Variants in P3H2 observed in about 807,000 individuals in gnomAD.
The protein encoded by P3H2 is leprecan-like 1.
In P3H2, 80 loss-of-function variants were observed where a neutral mutation model predicts 87.0. That is an observed-to-expected ratio of 0.92 (90% CI 0.77 to 1.11). The LOEUF (loss-of-function observed/expected upper bound fraction) is 1.11. Ranked by LOEUF, P3H2 falls within the 50% of genes least tolerant of loss-of-function variation. The probability of loss-of-function intolerance (pLI) is 0.00; values close to 1 mark genes in which losing one functional copy is unlikely to be tolerated. For missense variants in P3H2, 1,001 were observed against 923.9 expected (o/e 1.08, Z -1.08); for synonymous variants, 367 against 359.3 (o/e 1.02, Z -0.24).
At chr3:190,068,064 TTA>T (rs1726571572) in intron 1 of P3H2, among the ~76,000 whole-genome samples, 1 of 152,058 alleles carries the variant, frequency 6.6e-6, no homozygotes, top group Non-Finnish European at 1.5e-5. Flanking sequence ...CTTAAAATGT[TTA>T]TATAATTTTT....
chr3:190,034,902 G>A (rs142357098), intron 1 of P3H2, among the ~76,000 whole-genome samples: 9 of 146,856 alleles, frequency 6.1e-5, no homozygotes, highest in East Asian at 6.0e-4. Flanking sequence ...AGGCAGGAGT[G>A]CAGTGGTGTG....
intron 1 of P3H2, among the ~76,000 whole-genome samples, chr3:190,039,519 T>C (rs1252705108): frequency 1.3e-5 from 2 of 149,136 alleles, no homozygotes; most frequent in Non-Finnish European, 2.9e-5. Flanking sequence ...ATATTGTTAA[T>C]TGCAAAACCG....
chr3:190,007,550 C>G (rs1347286733), intron 1 of P3H2, among the ~76,000 whole-genome samples: 2 of 151,964 alleles, frequency 1.3e-5, no homozygotes, highest in Non-Finnish European at 2.9e-5. Flanking sequence ...TTGAGACATA[C>G]TTGAGGTCTT....
At chr3:190,101,421 C>T (rs1711623201) in intron 1 of P3H2, among the ~76,000 whole-genome samples, 1 of 124,674 alleles carries the variant, frequency 8.0e-6, no homozygotes, top group Admixed American at 8.2e-5. Flanking sequence ...AAAAGTGCTA[C>T]TACAGTGAAC....
At chr3:190,120,924 T>TA, upstream of P3H2, 1 of 804,180 alleles carries the variant, frequency 1.2e-6, no homozygotes, top group Non-Finnish European at 1.8e-6. Flanking sequence ...CAGCCGCTCT[T>TA]AAAGGGACGC....
chr3:189,976,056 T>C (rs1454875723), intron 8 of P3H2, among the ~76,000 whole-genome samples: 1 of 148,856 alleles, frequency 6.7e-6, no homozygotes, highest in Non-Finnish European at 1.5e-5. Flanking sequence ...AATCAACAAA[T>C]GGAATGGTTA....
Position 189,964,012 on chromosome 3 carries a change from T to C in P3H2, c.1980A>G (p.Gly660=). The change falls in exon 14 of 15, where the codon GGA becomes GGG. Residue 660 remains glycine, a synonymous_variant. Coordinates refer to ENST00000319332, the MANE Select transcript of P3H2 (RefSeq NM_018192.4). ...NPHGVKAVTK[G]KRCAVALWFT... ...ACCACAGAGCCACAGCACACCTCTT[T>C]CCCTTGGTGACTGCCTTCACCCCAT... 6.2e-7 allele frequency: 1 copy of C among 1,614,154 alleles called. No homozygotes were observed. Among genetic ancestry groups the C allele is most frequent in the Non-Finnish European group, 8.5e-7 (1 of 1,180,008 alleles).
rs761435073 is a variant in P3H2, at chr3:189,957,274, G to C, written c.*638C>G. 4.8e-5 allele frequency: 19 copies of C among 399,648 alleles called. No individual in the cohort carries two copies. Among genetic ancestry groups the C allele is most frequent in the African/African-American group, 3.3e-4 (16 of 48,580 alleles). The allele number at this position is 399,648 out of a possible 1,614,324, so 24.8% of individuals were successfully genotyped here. A position where few individuals can be genotyped will look rare whatever the true frequency, so the allele number is the denominator to read the frequency against. On this transcript the variant is annotated 3_prime_UTR_variant, in exon 15 of 15. Transcript: ENST00000319332. ...AAGTGGAGCTCACTTTGGAGAGTCG[G>C]AGCTCATGGCCGTTAGCACCTAAGG...
chr3:189,976,096 C>T (rs1317591102), intron 8 of P3H2, among the ~76,000 whole-genome samples: 1 of 150,908 alleles, frequency 6.6e-6, no homozygotes, highest in Non-Finnish European at 1.5e-5. Context: ...AAAAAGCTAC[C>T]TTCCACATGA....
chr3:190,010,543 C>T (rs776308773), intron 1 of P3H2, among the ~76,000 whole-genome samples: 6 of 151,932 alleles, frequency 3.9e-5, no homozygotes, highest in Non-Finnish European at 7.4e-5. Context: ...ACCAGGAGAA[C>T]GAGCACAAAC....
rs190160538 is a variant in P3H2 at position 190,046,793 on chromosome 3, A to G, written c.481-51351T>C. Among the ~76,000 whole-genome samples, 155 of 152,290 alleles carry G rather than the reference A, an allele frequency of 1.0e-3. 1 individual carries two copies. In the East Asian group the frequency reaches 0.023, roughly 23 times the overall value. On this transcript the variant is annotated intron_variant, in intron 1 of 14. Transcript: ENST00000319332. Reference sequence around the variant, plus strand: ...TGGTAATTTATTTTTAATTTAATTTAATTTATTTTAGGGTAATTTACCCTA... The same window carrying G: ...TGGTAATTTATTTTTAATTTAATTTGATTTATTTTAGGGTAATTTACCCTA...
intron 6 of P3H2, among the ~76,000 whole-genome samples, chr3:189,985,712 T>A (rs1489787297): frequency 6.6e-6 from 1 of 151,642 alleles, no homozygotes; most frequent in Non-Finnish European, 1.5e-5. Context: ...GACAGAATAA[T>A]TCCACTCTTA....
chr3:189,964,174 T>C (rs556754826), intron 13 of P3H2, 76 bp from the exon 14 acceptor site: 22 of 1,341,900 alleles, frequency 1.6e-5, no homozygotes, highest in African/African-American at 1.6e-4. Context: ...TCTCTGGCTA[T>C]GAGATTATTT....
chr3:189,994,378 G>T (rs557792839), intron 2 of P3H2, 95 bp from the exon 3 acceptor site: 2 of 992,738 alleles, frequency 2.0e-6, no homozygotes, highest in South Asian at 2.8e-5. Context: ...GTTGACTCAG[G>T]ATCATCTAGG....
chr3:189,972,455 GC>G (rs1055467312), intron 11 of P3H2, among the ~76,000 whole-genome samples: 1 of 152,142 alleles, frequency 6.6e-6, no homozygotes, highest in African/African-American at 2.4e-5. Context: ...GAGAAATAAT[GC>G]TGAGCAGGGA....
At chr3:189,989,423 C>T (rs1173712142) in intron 3 of P3H2, among the ~76,000 whole-genome samples, 1 of 152,024 alleles carries the variant, frequency 6.6e-6, no homozygotes, top group Non-Finnish European at 1.5e-5. Context: ...CTCGAAGTGC[C>T]CTGGAATCGG....
At chr3:189,973,835 T>G in intron 10 of P3H2, 74 bp downstream of exon 10, 1 of 1,169,850 alleles carries the variant, frequency 8.5e-7, no homozygotes, top group Non-Finnish European at 1.3e-6. Flanking sequence ...CTTTTTTCTT[T>G]CTTATATCTG....
At chr3:190,072,952 A>G (rs1401455409) in intron 1 of P3H2, among the ~76,000 whole-genome samples, 1 of 152,224 alleles carries the variant, frequency 6.6e-6, no homozygotes, top group Non-Finnish European at 1.5e-5. Context: ...GAGAAAGTAA[A>G]TATCATTCTT....
intron 1 of P3H2, among the ~76,000 whole-genome samples, chr3:190,044,226 T>C (rs903981435): frequency 2.0e-5 from 3 of 152,210 alleles, no homozygotes; most frequent in Non-Finnish European, 4.4e-5. Flanking sequence ...ACTTGAGCAC[T>C]TGTCAGGAGC....
Sources: allele counts gnomAD v4.1 joint callset (sites outside exome capture counted in the v4.1 genomes callset), GRCh38; gene constraint gnomAD v4.1.1; transcripts MANE v1.5; gene names NCBI Gene and HGNC (gene_info 2026-07-23, HGNC 2026-07-21).